Variants in LITAF observed in about 807,000 individuals in gnomAD.
The protein encoded by LITAF is lipopolysaccharide-induced tumor necrosis factor-alpha factor.
A neutral mutation model predicts 14.5 loss-of-function variants in LITAF; 9 were observed. That is an observed-to-expected ratio of 0.62 (90% CI 0.37 to 1.08). The LOEUF is 1.08. Among genes scored for constraint, LITAF ranks in the 50% least tolerant of loss-of-function variants. The pLI is 0.01. For synonymous variants in LITAF, 98 were observed against 88.2 expected, an observed-to-expected ratio of 1.11 and a Z score of -0.62; for missense variants, 206 against 213.4, an observed-to-expected ratio of 0.97 and a Z score of 0.22.
At chr16:11,585,876 C>T (rs2064797578) in intron 1 of LITAF, among the ~76,000 whole-genome samples, 1 of 152,188 alleles carries the variant, frequency 6.6e-6, no homozygotes, top group Non-Finnish European at 1.5e-5. Flanking sequence ...AGTCCAACAG[C>T]CAGTGACATC....
At chr16:11,554,679 T>C (rs1205737528) in intron 2 of LITAF, among the ~76,000 whole-genome samples, 1 of 151,042 alleles carries the variant, frequency 6.6e-6, no homozygotes, top group African/African-American at 2.4e-5. Flanking sequence ...TCCCAGCTAC[T>C]TGGGAGGCTG....
chr16:11,560,136 A>C (rs1287532176), intron 1 of LITAF, among the ~76,000 whole-genome samples: 1 of 151,588 alleles, frequency 6.6e-6, no homozygotes, highest in Non-Finnish European at 1.5e-5. Flanking sequence ...GTCTCTACTA[A>C]AAATACAAAA....
chr16:11,603,439 A>G (rs1030108834), upstream of LITAF, among the ~76,000 whole-genome samples: 3 of 152,146 alleles, frequency 2.0e-5, no homozygotes, highest in Non-Finnish European at 4.4e-5. Flanking sequence ...GCTGTCTTCC[A>G]CGCGCCCTTC....
intron 1 of LITAF, among the ~76,000 whole-genome samples, chr16:11,562,828 T>G (rs1279504614): frequency 6.6e-6 from 1 of 152,038 alleles, no homozygotes; most frequent in African/African-American, 2.4e-5. Context: ...GCCCAAGAGT[T>G]TGAGACTGCA....
intron 1 of LITAF, among the ~76,000 whole-genome samples, chr16:11,577,334 T>G: frequency 6.9e-6 from 1 of 144,578 alleles, no homozygotes; most frequent in Non-Finnish European, 1.5e-5. Context: ...TTTTTTTTTT[T>G]TGAGACGGAG....
At chr16:11,608,980 C>A (rs200503631) in intron 3 of LITAF, among the ~76,000 whole-genome samples, 165 of 149,780 alleles carry the variant, frequency 1.1e-3, no homozygotes, top group Non-Finnish European at 2.0e-3. Context: ...AACAAACAAA[C>A]AAAAAAAAAC....
intron 3 of LITAF, among the ~76,000 whole-genome samples, chr16:11,607,199 C>T (rs2064959226): frequency 6.6e-6 from 1 of 152,210 alleles, no homozygotes; most frequent in Non-Finnish European, 1.5e-5. Flanking sequence ...GGGCAGGTGC[C>T]CCATGTATAG....
At chr16:11,609,414 A>G (rs1021512740) in intron 3 of LITAF, among the ~76,000 whole-genome samples, 1 of 151,930 alleles carries the variant, frequency 6.6e-6, no homozygotes, top group Non-Finnish European at 1.5e-5. Context: ...AGGTTTCACC[A>G]TGTTGGCCAG....
Position 11,549,190 on chromosome 16 carries a change from G to C in LITAF, c.*447C>G, listed in dbSNP as rs1014568118. ...GACGGGAAGAGACGGATAAGATAATGGTAGGCACTAAAGGCTGGTTCAGCC... is the reference window on the plus strand; with the variant it reads ...GACGGGAAGAGACGGATAAGATAATCGTAGGCACTAAAGGCTGGTTCAGCC... On this transcript the variant is annotated 3_prime_UTR_variant, in exon 4 of 4. Coordinates refer to ENST00000622633, the MANE Select transcript of LITAF (RefSeq NM_001136472.2). The surrounding 1 kb of genome is among the most constrained non-coding windows in gnomAD (Gnocchi z 4.6). 4.4e-6 allele frequency: 2 copies of C among 453,968 alleles called. No homozygotes were observed. Among genetic ancestry groups the C allele is most frequent in the Non-Finnish European group, 8.8e-6 (2 of 226,656 alleles). The allele number at this position is 453,968 out of a possible 1,614,324, so 28.1% of individuals were successfully genotyped here. A position where few individuals can be genotyped will look rare whatever the true frequency, so the allele number is the denominator to read the frequency against.
At chr16:11,638,117 TATAG>T (rs1555475736), upstream of LITAF, among the ~76,000 whole-genome samples, 377 of 69,504 alleles carry the variant, frequency 5.4e-3, 30 homozygotes, top group Non-Finnish European at 7.8e-3. Context: ...TATCTATCTA[TATAG>T]ATAGATAGAT....
At chr16:11,596,048 A>G (rs983875583) in intron 1 of LITAF, among the ~76,000 whole-genome samples, 4 of 152,112 alleles carry the variant, frequency 2.6e-5, no homozygotes, top group African/African-American at 4.8e-5. Flanking sequence ...GTCCCTGGTC[A>G]CCGTCTGGGG....
At position 11,549,054 on chromosome 16, in the gene LITAF, T is replaced by TA. The variant is rs71406254; in HGVS notation, c.*582dup. The TA allele has an allele frequency of 0.34, 150,545 of 442,252 alleles. 23,212 individuals carry two copies. The highest frequency in any genetic ancestry group is 0.44 in the African/African-American group (21,662 of 49,032). The allele number at this position is 442,252 out of a possible 1,614,324, so 27.4% of individuals were successfully genotyped here. ...GTGTTAATAGCCCCCTCCTTGTATT[T>TA]AAAAAAAAAATTAAGAAATTAAAGT... On this transcript the variant is annotated 3_prime_UTR_variant, in exon 4 of 4. Transcript: ENST00000622633. The surrounding 1 kb of genome is among the most constrained non-coding windows in gnomAD (Gnocchi z 4.6).
intron 1 of LITAF, chr16:11,561,682 G>C (rs2064368162): frequency 1.3e-5 from 2 of 152,104 alleles, no homozygotes; most frequent in African/African-American, 4.8e-5. Flanking sequence ...AGGCCCCAAG[G>C]CCAGGAAATG....
At chr16:11,638,156 G>A (rs1208880482), upstream of LITAF, among the ~76,000 whole-genome samples, 1 of 99,012 alleles carries the variant, frequency 1.0e-5, no homozygotes, top group Admixed American at 9.7e-5. Context: ...GATTAGCCCA[G>A]CTCTGTCACC....
chr16:11,603,240 A>C (rs574470940), upstream of LITAF, among the ~76,000 whole-genome samples: 4 of 152,242 alleles, frequency 2.6e-5, no homozygotes, highest in South Asian at 8.3e-4. Flanking sequence ...CTTTTTAAAC[A>C]ATCAGCGTGT....
At chr16:11,560,222 G>A (rs574470743) in intron 1 of LITAF, among the ~76,000 whole-genome samples, 64 of 151,914 alleles carry the variant, frequency 4.2e-4, no homozygotes, top group Non-Finnish European at 7.9e-4. Flanking sequence ...ACTTGAACAC[G>A]GGAGGTGGAG....
rs574213957 is a variant in LITAF, at chr16:11,632,995, G to C, written c.85+538C>G. Among the ~76,000 whole-genome samples, 1 of 152,308 alleles carries C rather than the reference G, an allele frequency of 6.6e-6. No individual in the cohort carries two copies. The highest frequency in any genetic ancestry group is 1.9e-4 in the East Asian group (1 of 5,186). Reference sequence around the variant, plus strand: ...TGTCTTAGATAGGAAAGGACGGCCTGGGATCCTGCACCCATGATACCCTCT... The same window carrying C: ...TGTCTTAGATAGGAAAGGACGGCCTCGGATCCTGCACCCATGATACCCTCT... On this transcript the variant is annotated intron_variant, in intron 3 of 3. Transcript: ENST00000574848. The surrounding 1 kb of genome is among the most constrained non-coding windows in gnomAD (Gnocchi z 4.8).
upstream of LITAF, among the ~76,000 whole-genome samples, chr16:11,638,460 T>C (rs1314867861): frequency 2.0e-5 from 3 of 151,928 alleles, no homozygotes; most frequent in Non-Finnish European, 2.9e-5. Context: ...CCCAGTACTT[T>C]GGGAGGCCGA....
intron 1 of LITAF, among the ~76,000 whole-genome samples, chr16:11,580,758 C>A (rs1309015471): frequency 1.3e-5 from 2 of 151,918 alleles, no homozygotes; most frequent in Non-Finnish European, 2.9e-5. Flanking sequence ...AGCCCCAGGC[C>A]CCTATTCCTT....
Sources: gnomAD v4.1 joint callset for allele counts (sites outside exome capture counted in the v4.1 genomes callset) on GRCh38, gnomAD v4.1.1 for gene constraint, Gnocchi (gnomAD v3.1) non-coding constraint, MANE v1.5 for transcripts, NCBI Gene and HGNC (gene_info 2026-07-23, HGNC 2026-07-21) for gene names.